SCFD1: variants seen among roughly 807,000 people sequenced by gnomAD.
The protein encoded by SCFD1 is sec1 family domain containing 1, also known as sec1 family domain-containing protein 1.
Under a neutral mutation model 103.2 loss-of-function variants are expected in SCFD1, and 37 were observed. That is an observed-to-expected ratio of 0.36 (90% CI 0.28 to 0.47). The LOEUF (loss-of-function observed/expected upper bound fraction) is 0.47. SCFD1 is among the 20% of genes least tolerant of loss of function. SCFD1 has a pLI of 1.00. For missense variants in SCFD1, 639 were observed against 761.2 expected, an observed-to-expected ratio of 0.84 and a Z score of 1.89; for synonymous variants, 264 against 245.0, an observed-to-expected ratio of 1.08 and a Z score of -0.73.
At chr14:30,639,188 A>G (rs1300806228) in intron 5 of SCFD1, among the ~76,000 whole-genome samples, 1 of 152,064 alleles carries the variant, frequency 6.6e-6, no homozygotes. Flanking sequence ...TAATTTTTTT[A>G]ATATGTTGCC....
At chr14:30,656,484 A>C (rs1332081569) in intron 10 of SCFD1, among the ~76,000 whole-genome samples, 1 of 152,098 alleles carries the variant, frequency 6.6e-6, no homozygotes, top group Non-Finnish European at 1.5e-5. Context: ...GATGTTTAGC[A>C]TCATTCCTGG....
chr14:30,711,757 G>A lies in SCFD1; in HGVS notation c.1629+3692G>A, dbSNP rs1891892415. On this transcript the variant is annotated intron_variant, in intron 19 of 24. Transcript: ENST00000458591. ...AATTATTATTTTAGGAGTGGTAATA[G>A]TGTTTTGGGGTTTTTAAGAGTTTTT... Among the ~76,000 whole-genome samples the A allele has an allele frequency of 1.3e-5, 2 of 151,928 alleles. 1 individual carries two copies. Among genetic ancestry groups the A allele is most frequent in the South Asian group, 4.2e-4 (2 of 4,800 alleles).
chr14:30,652,781 A>G (rs1170166733), intron 9 of SCFD1, among the ~76,000 whole-genome samples: 1 of 152,068 alleles, frequency 6.6e-6, no homozygotes, highest in Non-Finnish European at 1.5e-5. Context: ...CCAAGGTGGG[A>G]GGATCACTTG....
intron 19 of SCFD1, among the ~76,000 whole-genome samples, chr14:30,712,638 G>A (rs1891966886): frequency 6.6e-6 from 1 of 151,960 alleles, no homozygotes; most frequent in Admixed American, 6.6e-5. Flanking sequence ...AAATGAGTTA[G>A]GATTTTTGGA....
chr14:30,721,727 G>A, intron 21 of SCFD1, 157 bp from the exon 22 acceptor site: 2 of 618,200 alleles, frequency 3.2e-6, no homozygotes, highest in Non-Finnish European at 5.7e-6. Flanking sequence ...TCACTACCTG[G>A]CTCAGCAAAA....
intron 10 of SCFD1, among the ~76,000 whole-genome samples, chr14:30,659,884 T>C (rs1018328849): frequency 1.3e-5 from 2 of 152,202 alleles, no homozygotes; most frequent in African/African-American, 4.8e-5. Context: ...TTTAAACTTT[T>C]ACTAGGGAAT....
At chr14:30,645,045 C>G (rs929040809) in intron 7 of SCFD1, among the ~76,000 whole-genome samples, 5 of 152,084 alleles carry the variant, frequency 3.3e-5, no homozygotes, top group Non-Finnish European at 5.9e-5. Context: ...TAATCTCCTG[C>G]GTATAGCTAG....
chr14:30,682,753 A>T (rs1889588410), intron 14 of SCFD1, among the ~76,000 whole-genome samples: 1 of 152,218 alleles, frequency 6.6e-6, no homozygotes, highest in Non-Finnish European at 1.5e-5. Context: ...GTGAAGAAGT[A>T]AGAAGAAACA....
chr14:30,669,541 G>T (rs2139198780), intron 10 of SCFD1, among the ~76,000 whole-genome samples: 1 of 150,964 alleles, frequency 6.6e-6, no homozygotes, highest in Non-Finnish European at 1.5e-5. Flanking sequence ...TTGGGTTTTG[G>T]GGGGTTTTTT....
chr14:30,731,310 C>T (rs1038136969), intron 23 of SCFD1, among the ~76,000 whole-genome samples: 2 of 152,152 alleles, frequency 1.3e-5, no homozygotes, highest in African/African-American at 4.8e-5. Flanking sequence ...GTTCTTTTTG[C>T]TTAGGATTGA....
rs539379408 is a variant in SCFD1, at chr14:30,647,617, TAAAG to T, written c.614-1906_614-1903del. ...TTTGTTGTTGTTGTTGTTTTATATA[TAAAG>T]AAAGTACACGTATACAACTTTTAGT... On this transcript the variant is annotated intron_variant, in intron 7 of 24. Coordinates refer to ENST00000458591, the MANE Select transcript of SCFD1 (RefSeq NM_016106.4). Among the ~76,000 whole-genome samples, 77 of 152,248 alleles carry T rather than the reference TAAAG, an allele frequency of 5.1e-4. 1 individual carries two copies. Among genetic ancestry groups the T allele is most frequent in the Non-Finnish European group, 3.1e-4 (21 of 68,010 alleles).
At chr14:30,658,172 T>C (rs906882563) in intron 10 of SCFD1, 17 of 441,846 alleles carry the variant, frequency 3.8e-5, no homozygotes, top group Non-Finnish European at 7.2e-5. Context: ...TACTTGGCCT[T>C]TATTTTTTCA....
chr14:30,666,438 A>G (rs576482861), intron 10 of SCFD1, among the ~76,000 whole-genome samples: 30 of 152,368 alleles, frequency 2.0e-4, no homozygotes, highest in Non-Finnish European at 3.8e-4. Context: ...AATGCCCACA[A>G]GAGAAAGCGG....
chr14:30,659,569 C>T (rs1045195152), intron 10 of SCFD1, among the ~76,000 whole-genome samples: 2 of 152,238 alleles, frequency 1.3e-5, no homozygotes, highest in Middle Eastern at 3.4e-3. Context: ...TTGCATATGG[C>T]CGGCAATGTA....
chr14:30,659,024 T>G (rs1316607010), intron 10 of SCFD1, among the ~76,000 whole-genome samples: 1 of 152,220 alleles, frequency 6.6e-6, no homozygotes, highest in Non-Finnish European at 1.5e-5. Context: ...GCCCAAAAGA[T>G]ATCCCTGATT....
chr14:30,700,296 G>A, intron 16 of SCFD1, 38 bp downstream of exon 16: 2 of 1,319,154 alleles, frequency 1.5e-6, no homozygotes, highest in Non-Finnish European at 1.1e-6. Context: ...GAAGGGGAAT[G>A]CTTGTTTGTA....
intron 10 of SCFD1, among the ~76,000 whole-genome samples, chr14:30,664,163 G>A (rs1887702565): frequency 6.6e-6 from 1 of 152,066 alleles, no homozygotes; most frequent in Admixed American, 6.6e-5. Flanking sequence ...GCGCCCCTCT[G>A]AGATGAAGCT....
intron 9 of SCFD1, among the ~76,000 whole-genome samples, chr14:30,650,972 A>G (rs1886345084): frequency 6.6e-6 from 1 of 152,080 alleles, no homozygotes; most frequent in South Asian, 2.1e-4. Context: ...AAAACTTGTG[A>G]TACTTATATC....
intron 10 of SCFD1, among the ~76,000 whole-genome samples, chr14:30,658,932 T>C (rs1482175190): frequency 2.6e-5 from 4 of 152,166 alleles, no homozygotes; most frequent in South Asian, 2.1e-4. Context: ...AATGTAAACT[T>C]TTACTCATTT....
Sources: allele counts gnomAD v4.1 joint callset (sites outside exome capture counted in the v4.1 genomes callset), GRCh38; gene constraint gnomAD v4.1.1; transcripts MANE v1.5; gene names NCBI Gene and HGNC (gene_info 2026-07-23, HGNC 2026-07-21).